COX14: variants seen among roughly 807,000 people sequenced by gnomAD.
COX14 encodes the protein cytochrome c oxidase assembly protein COX14.
Under a neutral mutation model 5.8 loss-of-function variants are expected in COX14, and 3 were observed. The ratio of observed to expected loss-of-function variants is 0.51; its 90% CI spans 0.23 to 1.33. COX14 has a LOEUF of 1.33. Among genes scored for constraint, COX14 ranks in the 40% most tolerant of loss-of-function variants. COX14 has a pLI of 0.18. For missense variants in COX14, 72 were observed against 72.1 expected (o/e 1.00, Z 0.01); for synonymous variants, 25 against 26.1 (o/e 0.96, Z 0.13).
intron 1 of COX14, among the ~76,000 whole-genome samples, chr12:50,113,307 T>C (rs1186267516): frequency 6.6e-6 from 1 of 151,584 alleles, no homozygotes; most frequent in East Asian, 1.9e-4. Context: ...TACGCAATTT[T>C]TTTTTTTTTT....
At chr12:50,118,789 T>G (rs1406007699) in intron 1 of COX14, among the ~76,000 whole-genome samples, 1 of 152,162 alleles carries the variant, frequency 6.6e-6, no homozygotes, top group Admixed American at 6.5e-5. Context: ...TATATATCTA[T>G]ATATGTATTT....
intron 1 of COX14, among the ~76,000 whole-genome samples, chr12:50,115,275 C>T (rs1357378256): frequency 6.8e-6 from 1 of 148,018 alleles, no homozygotes; most frequent in East Asian, 2.0e-4. Context: ...AGTGCAGTGG[C>T]GCGATCTCTG....
chr12:50,114,412 T>G (rs1183795408), intron 1 of COX14, among the ~76,000 whole-genome samples: 1 of 151,788 alleles, frequency 6.6e-6, no homozygotes, highest in Non-Finnish European at 1.5e-5. Context: ...ACCCCACGCC[T>G]GGCTAATTTT....
At chr12:50,113,215 AGAT>A (rs1951046147) in intron 1 of COX14, among the ~76,000 whole-genome samples, 1 of 151,540 alleles carries the variant, frequency 6.6e-6, no homozygotes, top group South Asian at 2.1e-4. Flanking sequence ...AGTAGATAAA[AGAT>A]GATGGATACC....
Position 50,120,035 on chromosome 12 carries a change from GGGGA to G in COX14, c.-8_-5del, listed in dbSNP as rs1238514649. On this transcript the variant is annotated splice_region_variant and 5_prime_UTR_variant, in exon 2 of 2. Coordinates refer to ENST00000550487, the MANE Select transcript of COX14 (RefSeq NM_032901.4). ...GGTCTAAATTCAATCTGTCTTTGTA[GGGGA>G]CAAGATGCCAACTGGCAAGCAGCTA... The G allele has an allele frequency of 6.2e-7, 1 of 1,613,370 alleles. No homozygotes were observed. Among genetic ancestry groups the G allele is most frequent in the East Asian group, 2.2e-5 (1 of 44,886 alleles).
Position 50,120,447 on chromosome 12 carries a change from C to T in COX14, c.*230C>T. 2 of 471,980 alleles carry T rather than the reference C, an allele frequency of 4.2e-6. No individual in the cohort carries two copies. The highest frequency in any genetic ancestry group is 7.8e-6 in the Non-Finnish European group (2 of 254,868). 29.2% of individuals were successfully genotyped at this position (471,980 alleles called of 1,614,324 possible). On this transcript the variant is annotated 3_prime_UTR_variant, in exon 2 of 2. Coordinates refer to ENST00000550487, the MANE Select transcript of COX14 (RefSeq NM_032901.4). ...ACACCTACAGACATTAAATAATTTG[C>T]TGTGTCTGTGTCTTGGTGTTTTTTG...
chr12:50,113,564 AAGT>A (rs1231119844), intron 1 of COX14, among the ~76,000 whole-genome samples: 1 of 151,762 alleles, frequency 6.6e-6, no homozygotes, highest in Non-Finnish European at 1.5e-5. Flanking sequence ...CGGCCTCCCA[AAGT>A]GCTGGGATTA....
At chr12:50,118,131 C>T (rs1951099058) in intron 1 of COX14, among the ~76,000 whole-genome samples, 1 of 151,832 alleles carries the variant, frequency 6.6e-6, no homozygotes, top group African/African-American at 2.4e-5. Flanking sequence ...GCTGCAACCT[C>T]CGCCTCCCAG....
At chr12:50,112,379 C>T (rs1269920544) in intron 1 of COX14, 78 bp downstream of exon 1, 19 of 985,506 alleles carry the variant, frequency 1.9e-5, no homozygotes, top group African/African-American at 3.5e-5. Flanking sequence ...CTCCGCTTGC[C>T]GCGTCCTCCC....
At chr12:50,115,309 G>C (rs2137939200) in intron 1 of COX14, among the ~76,000 whole-genome samples, 1 of 151,152 alleles carries the variant, frequency 6.6e-6, no homozygotes, top group African/African-American at 2.4e-5. Context: ...CCGCCTCCCG[G>C]GTTCATGCCA....
chr12:50,117,581 C>CTTTT (rs397850921), intron 1 of COX14, among the ~76,000 whole-genome samples: 1 of 134,708 alleles, frequency 7.4e-6, no homozygotes, highest in Non-Finnish European at 1.6e-5. Flanking sequence ...TTTTCTGTCT[C>CTTTT]TTTTTTTTTT....
chr12:50,113,421 A>T (rs1344825774), intron 1 of COX14, among the ~76,000 whole-genome samples: 1 of 146,588 alleles, frequency 6.8e-6, no homozygotes, highest in Non-Finnish European at 1.5e-5. Flanking sequence ...CTCCTGCCTC[A>T]GCCTCCAGAG....
intron 1 of COX14, among the ~76,000 whole-genome samples, chr12:50,117,982 A>G (rs995908956): frequency 1.3e-5 from 2 of 149,930 alleles, no homozygotes; most frequent in African/African-American, 2.5e-5. Flanking sequence ...TGACCTCGTG[A>G]TCCACCTGCC....
intron 1 of COX14, among the ~76,000 whole-genome samples, chr12:50,114,711 A>C (rs1257634002): frequency 6.7e-6 from 1 of 149,396 alleles, no homozygotes; most frequent in Admixed American, 6.7e-5. Flanking sequence ...ATCTATCTAA[A>C]TTTGTATTTC....
chr12:50,118,509 C>T lies in COX14; in HGVS notation c.-8-1527C>T, dbSNP rs576140687. On this transcript the variant is annotated intron_variant, in intron 1 of 1. Coordinates refer to ENST00000550487, the MANE Select transcript of COX14 (RefSeq NM_032901.4). ...TTTGGCCAGGCGCGGTGGCTCACGC[C>T]GTAATCCCAGCACTTTGGGAGGCCA... The T allele has an allele frequency of 1.7e-5, 14 of 840,940 alleles. 1 individual carries two copies. Among genetic ancestry groups the T allele is most frequent in the African/African-American group, 3.7e-5 (2 of 54,102 alleles). The allele number at this position is 840,940 out of a possible 1,614,324, so 52.1% of individuals were successfully genotyped here.
rs1299112726 is a variant in COX14 at position 50,116,100 on chromosome 12, T to G, written c.-9+3799T>G. Among the ~76,000 whole-genome samples, 4 of 151,762 alleles carry G rather than the reference T, an allele frequency of 2.6e-5. No individual in the cohort carries two copies. The South Asian group carries it at 6.3e-4, about 24-fold the overall frequency. On this transcript the variant is annotated intron_variant, in intron 1 of 1. Coordinates refer to ENST00000550487, the MANE Select transcript of COX14 (RefSeq NM_032901.4). ...TAGCTCAGAATCTGAAGAGTTTTTT[T>G]TTTTTTTTTTGAGACAGAGTCTTGC...
chr12:50,118,901 T>C (rs1951106207), intron 1 of COX14, among the ~76,000 whole-genome samples: 1 of 152,218 alleles, frequency 6.6e-6, no homozygotes, highest in African/African-American at 2.4e-5. Flanking sequence ...GAGTAGCACC[T>C]AGGAACACAT....
At chr12:50,119,890 A>T (rs1951114884) in intron 1 of COX14, 146 bp from the exon 2 acceptor site, 1 of 655,216 alleles carries the variant, frequency 1.5e-6, no homozygotes, top group Non-Finnish European at 2.7e-6. Flanking sequence ...TATCCCTATG[A>T]GACTTTACCT....
intron 1 of COX14, among the ~76,000 whole-genome samples, chr12:50,114,238 A>AG (rs1951058218): frequency 6.7e-6 from 1 of 150,176 alleles, no homozygotes; most frequent in Admixed American, 6.6e-5. Context: ...AAAAAAAAAA[A>AG]CAGGTGTTTC....
Sources: allele counts gnomAD v4.1 joint callset (sites outside exome capture counted in the v4.1 genomes callset), GRCh38; gene constraint gnomAD v4.1.1; transcripts MANE v1.5; gene names NCBI Gene and HGNC (gene_info 2026-07-23, HGNC 2026-07-21).